Variants in HIVEP3 observed in about 807,000 individuals in gnomAD.
The protein encoded by HIVEP3 is transcription factor HIVEP3.
In HIVEP3, 49 loss-of-function variants were observed where a neutral mutation model predicts 152.8. The observed-to-expected ratio is 0.32, with a 90% CI of 0.26 to 0.41. The LOEUF (loss-of-function observed/expected upper bound fraction) is 0.41, where lower values mean the gene tolerates loss of function less well. Among genes scored for constraint, HIVEP3 ranks in the 10% least tolerant of loss-of-function variants. The pLI is 1.00. For missense variants in HIVEP3, 2,790 were observed against 3,103.3 expected (o/e 0.90, Z 2.40); for synonymous variants, 1,269 against 1,289.0 (o/e 0.98, Z 0.33).
At chr1:41,859,996 G>A (rs994916915) in intron 1 of HIVEP3, among the ~76,000 whole-genome samples, 1 of 152,202 alleles carries the variant, frequency 6.6e-6, no homozygotes, top group African/African-American at 2.4e-5. Flanking sequence ...AACTGGATGA[G>A]CTCTGAAGTC....
chr1:41,959,908 T>C (rs1460325941), intron 1 of HIVEP3, among the ~76,000 whole-genome samples: 1 of 152,172 alleles, frequency 6.6e-6, no homozygotes, highest in Non-Finnish European at 1.5e-5. Flanking sequence ...GTTGTCTTAC[T>C]GGCAAGGGGG....
intron 1 of HIVEP3, among the ~76,000 whole-genome samples, chr1:41,990,722 C>T (rs1413920380): frequency 2.0e-5 from 3 of 149,862 alleles, no homozygotes; most frequent in Non-Finnish European, 4.5e-5. Flanking sequence ...CACACCACAC[C>T]TATTCCAAAA....
At chr1:41,765,023 C>T (rs1441993988) in intron 1 of HIVEP3, among the ~76,000 whole-genome samples, 2 of 152,190 alleles carry the variant, frequency 1.3e-5, no homozygotes, top group Non-Finnish European at 2.9e-5. Flanking sequence ...CACCCTTTAC[C>T]AAGCAAGCCA....
intron 5 of HIVEP3, among the ~76,000 whole-genome samples, chr1:41,568,501 C>A (rs1249118492): frequency 6.6e-6 from 1 of 152,194 alleles, no homozygotes; most frequent in South Asian, 2.1e-4. Flanking sequence ...GGCGTAGGAG[C>A]GGCAGGGTGT....
chr1:41,679,169 TTTC>T (rs1196418933), intron 2 of HIVEP3, among the ~76,000 whole-genome samples: 2 of 152,168 alleles, frequency 1.3e-5, no homozygotes, highest in African/African-American at 4.8e-5. Context: ...CTCCCTCCCT[TTTC>T]TTCTCACCTC....
chr1:41,689,907 C>A (rs547587760), intron 2 of HIVEP3, among the ~76,000 whole-genome samples: 14 of 152,378 alleles, frequency 9.2e-5, no homozygotes, highest in Middle Eastern at 6.8e-3. Flanking sequence ...CTCCGCCTCC[C>A]AGTCCCGTGG....
intron 2 of HIVEP3, among the ~76,000 whole-genome samples, chr1:41,642,391 G>A (rs988353583): frequency 3.3e-5 from 5 of 152,180 alleles, no homozygotes; most frequent in Non-Finnish European, 7.3e-5. Context: ...GTCTCTGTCT[G>A]GAATATTTCT....
chr1:41,896,878 C>A (rs1267799493), intron 1 of HIVEP3, among the ~76,000 whole-genome samples: 1 of 152,124 alleles, frequency 6.6e-6, no homozygotes, highest in African/African-American at 2.4e-5. Flanking sequence ...CTGGCCAAGG[C>A]ATGCTTTTTA....
At chr1:41,618,576 CT>C (rs371751434) in intron 3 of HIVEP3, among the ~76,000 whole-genome samples, 132 of 152,288 alleles carry the variant, frequency 8.7e-4, no homozygotes, top group African/African-American at 3.1e-3. Flanking sequence ...CTGGGTGCCC[CT>C]GTCCCGTTCT....
At chr1:41,833,560 C>A (rs1033898457) in intron 1 of HIVEP3, among the ~76,000 whole-genome samples, 2 of 152,220 alleles carry the variant, frequency 1.3e-5, no homozygotes, top group African/African-American at 4.8e-5. Flanking sequence ...CTAGGGACAA[C>A]TGACTCCAAA....
At position 41,529,065 on chromosome 1, in the gene HIVEP3, C is replaced by A. The variant is rs566134755; in HGVS notation, c.5208-4155G>T. Reference sequence around the variant, plus strand: ...CACATGCTCACACCCCCACCCTCACCCTCACACTCACACACATCCTCACCC... The same window carrying A: ...CACATGCTCACACCCCCACCCTCACACTCACACTCACACACATCCTCACCC... On this transcript the variant is annotated intron_variant, in intron 5 of 8. Coordinates refer to ENST00000372583, the MANE Select transcript of HIVEP3 (RefSeq NM_024503.5). 1.2e-4 allele frequency among the ~76,000 whole-genome samples: 17 copies of A among 139,676 alleles called. 1 individual carries two copies. Among genetic ancestry groups the A allele is most frequent in the Middle Eastern group, 4.2e-3 (1 of 238 alleles). The allele number at this position is 139,676 out of a possible 152,430, so 91.6% of individuals were successfully genotyped here. A position where few individuals can be genotyped will look rare whatever the true frequency, so the allele number is the denominator to read the frequency against.
chr1:41,526,817 C>A (rs28972311), intron 5 of HIVEP3, among the ~76,000 whole-genome samples: 2 of 126,420 alleles, frequency 1.6e-5, no homozygotes, highest in African/African-American at 3.2e-5. Flanking sequence ...ACACATACAC[C>A]CCCCCACACT....
chr1:41,629,989 A>C (rs1645171152), intron 2 of HIVEP3, among the ~76,000 whole-genome samples: 1 of 152,246 alleles, frequency 6.6e-6, no homozygotes, highest in South Asian at 2.1e-4. Flanking sequence ...TGTTCACTCC[A>C]GCACTATTCA....
chr1:41,680,933 C>A (rs1157588910), intron 2 of HIVEP3, among the ~76,000 whole-genome samples: 2 of 152,192 alleles, frequency 1.3e-5, no homozygotes, highest in Non-Finnish European at 2.9e-5. Flanking sequence ...TTGCTATGTG[C>A]CATGATCTGG....
chr1:41,688,807 C>T (rs1392967546), intron 2 of HIVEP3, among the ~76,000 whole-genome samples: 1 of 152,068 alleles, frequency 6.6e-6, no homozygotes, highest in Non-Finnish European at 1.5e-5. Context: ...GCTGGGAGTT[C>T]CCCAAACGGA....
At chr1:42,020,143 G>C (rs1176232632) in intron 1 of HIVEP3, among the ~76,000 whole-genome samples, 1 of 151,952 alleles carries the variant, frequency 6.6e-6, no homozygotes, top group African/African-American at 2.4e-5. Context: ...ATGTCCAGGA[G>C]AGTTTGGTCT....
intron 2 of HIVEP3, among the ~76,000 whole-genome samples, chr1:41,677,916 G>A (rs976050584): frequency 6.6e-6 from 1 of 152,154 alleles, no homozygotes; most frequent in Non-Finnish European, 1.5e-5. Context: ...GAAAAGATGG[G>A]CTAGGACTCT....
chr1:41,739,561 G>GA, intron 1 of HIVEP3, among the ~76,000 whole-genome samples: 1 of 152,186 alleles, frequency 6.6e-6, no homozygotes, highest in South Asian at 2.1e-4. Context: ...GCTCAGCAGA[G>GA]AAAAAATTGG....
At chr1:41,890,918 G>A (rs1055029679) in intron 1 of HIVEP3, among the ~76,000 whole-genome samples, 3 of 152,218 alleles carry the variant, frequency 2.0e-5, no homozygotes, top group Non-Finnish European at 4.4e-5. Context: ...TAATGCATAA[G>A]GGAGAGGTTT....
Sources: gnomAD v4.1 joint callset for allele counts (sites outside exome capture counted in the v4.1 genomes callset) on GRCh38, gnomAD v4.1.1 for gene constraint, MANE v1.5 for transcripts, NCBI Gene and HGNC (gene_info 2026-07-23, HGNC 2026-07-21) for gene names.